The following DIAPH2 variants were observed in gnomAD, a reference collection of about 807,000 sequenced individuals.
DIAPH2 encodes diaphanous related formin 2.
DIAPH2 carries 35 observed loss-of-function variants against 92.7 expected under a neutral mutation model. The ratio of observed to expected loss-of-function variants is 0.38; its 90% confidence interval spans 0.29 to 0.50. The LOEUF (loss-of-function observed/expected upper bound fraction) is 0.50, where lower values mean the gene tolerates loss of function less well. Among genes scored for constraint, DIAPH2 ranks in the 20% least tolerant of loss-of-function variants. The probability of loss-of-function intolerance (pLI) is 0.94; values close to 1 mark genes in which losing one functional copy is unlikely to be tolerated. For synonymous variants in DIAPH2, 301 were observed against 280.4 expected (o/e 1.07, Z -0.73); for missense variants, 701 against 819.5 (o/e 0.86, Z 1.77).
chrX:97,500,763 GATATATATATATATATATATATAT>G (rs56041649), intron 26 of DIAPH2, among the ~76,000 whole-genome samples: 5 of 60,105 alleles, frequency 8.3e-5, no homozygotes, highest in Non-Finnish European at 9.3e-5. Context: ...CATTCAAGGA[GATATATATATATATATATATATAT>G]ATATATATAT....
intron 26 of DIAPH2, among the ~76,000 whole-genome samples, chrX:97,575,604 A>T (rs1381222247): frequency 8.9e-6 from 1 of 112,029 alleles, no homozygotes; most frequent in African/African-American, 3.2e-5. Flanking sequence ...GTTAGGATAT[A>T]TAAAAAGGAG....
chrX:96,799,456 C>T (rs2064564698), intron 4 of DIAPH2, among the ~76,000 whole-genome samples: 1 of 111,989 alleles, frequency 8.9e-6, no homozygotes, highest in African/African-American at 3.2e-5. Flanking sequence ...GGTTGTCTTT[C>T]TTTAGTTAAT....
At chrX:96,733,597 A>T (rs1206123470) in intron 1 of DIAPH2, among the ~76,000 whole-genome samples, 1 of 111,723 alleles carries the variant, frequency 9.0e-6, no homozygotes, top group Non-Finnish European at 1.9e-5. Flanking sequence ...GAAAGTGTTG[A>T]GCCAAGGAGT....
At chrX:97,282,405 G>C (rs748381780) in intron 23 of DIAPH2, among the ~76,000 whole-genome samples, 12 of 111,797 alleles carry the variant, frequency 1.1e-4, no homozygotes, top group African/African-American at 3.9e-4. Flanking sequence ...CGCCACCCAG[G>C]TTCAAGCGAT....
At chrX:96,907,455 A>C (rs141373854) in intron 5 of DIAPH2, among the ~76,000 whole-genome samples, 1,125 of 112,332 alleles carry the variant, frequency 0.01, 9 homozygotes, top group Middle Eastern at 0.019. Context: ...ATGTTATAGA[A>C]AATTGTGTAC....
intron 22 of DIAPH2, among the ~76,000 whole-genome samples, chrX:97,197,013 T>C (rs934676520): frequency 9.0e-6 from 1 of 111,255 alleles, no homozygotes; most frequent in South Asian, 3.8e-4. Flanking sequence ...CTTGAATTCC[T>C]GACCTCAAGT....
chrX:96,838,186 A>G (rs766914287), intron 4 of DIAPH2, among the ~76,000 whole-genome samples: 10 of 111,845 alleles, frequency 8.9e-5, no homozygotes, highest in Non-Finnish European at 1.3e-4. Flanking sequence ...GACTAAATTG[A>G]TCAAATTCTG....
chrX:97,233,948 T>C (rs916735743), intron 22 of DIAPH2, among the ~76,000 whole-genome samples: 8 of 111,072 alleles, frequency 7.2e-5, no homozygotes, highest in Admixed American at 2.9e-4. Context: ...TTCCACATTA[T>C]AGAATTCACA....
chrX:96,923,056 T>G (rs1394824393), intron 9 of DIAPH2, among the ~76,000 whole-genome samples: 1 of 111,273 alleles, frequency 9.0e-6, no homozygotes, highest in Non-Finnish European at 1.9e-5. Context: ...GAAACTGCTT[T>G]CTAGATAGCC....
intron 23 of DIAPH2, among the ~76,000 whole-genome samples, chrX:97,325,718 C>G (rs1716318170): frequency 9.0e-6 from 1 of 110,736 alleles, no homozygotes; most frequent in South Asian, 3.8e-4. Context: ...GCTGGGACTA[C>G]AGGCGCCCGC....
chrX:97,414,126 A>G (rs1249156298), intron 25 of DIAPH2, among the ~76,000 whole-genome samples: 1 of 111,887 alleles, frequency 8.9e-6, no homozygotes, highest in African/African-American at 3.3e-5. Flanking sequence ...ACAAAGCTGG[A>G]GGCATCACAC....
At chrX:96,742,856 G>A (rs1315824935) in intron 3 of DIAPH2, among the ~76,000 whole-genome samples, 7 of 110,821 alleles carry the variant, frequency 6.3e-5, no homozygotes, top group Admixed American at 3.8e-4. Context: ...TAGTAGAGAC[G>A]GGGTTTCACC....
intron 23 of DIAPH2, among the ~76,000 whole-genome samples, chrX:97,281,765 G>T (rs1217285398): frequency 9.2e-6 from 1 of 109,114 alleles, no homozygotes; most frequent in Non-Finnish European, 1.9e-5. Flanking sequence ...AAACACATAC[G>T]CAAAAGGTTA....
chrX:97,310,338 T>C (rs777269535), intron 23 of DIAPH2, among the ~76,000 whole-genome samples: 18 of 111,928 alleles, frequency 1.6e-4, no homozygotes, highest in African/African-American at 5.8e-4. Context: ...GCTTATGTAA[T>C]AGTAAGGAAA....
chrX:97,121,810 G>A (rs892986449), intron 21 of DIAPH2, among the ~76,000 whole-genome samples: 16 of 111,948 alleles, frequency 1.4e-4, no homozygotes, highest in Admixed American at 1.9e-4. Context: ...ACTATAGGAT[G>A]TACTGAAAGG....
chrX:97,073,163 C>T, intron 18 of DIAPH2, 121 bp downstream of exon 18: 1 of 484,815 alleles, frequency 2.1e-6, no homozygotes, highest in South Asian at 3.7e-5. Context: ...CTTCTAGAAA[C>T]AAAATCCTGT....
Position 96,824,188 on chromosome X carries a change from A to G in DIAPH2, c.448-57391A>G, listed in dbSNP as rs543864811. 1.2e-4 allele frequency among the ~76,000 whole-genome samples: 13 copies of G among 110,624 alleles called. No individual in the cohort carries two copies. The South Asian group carries it at 2.3e-3, about 19-fold the overall frequency. Reference sequence around the variant, plus strand: ...TTAATGGGAGTTAACATTTAGAAATAGATTTGTAGCCAGGTTTTGTGCTCT... The same window carrying G: ...TTAATGGGAGTTAACATTTAGAAATGGATTTGTAGCCAGGTTTTGTGCTCT... On this transcript the variant is annotated intron_variant, in intron 4 of 26. Transcript: ENST00000324765.
At chrX:97,367,817 C>T (rs1295854712) in intron 24 of DIAPH2, among the ~76,000 whole-genome samples, 1 of 110,242 alleles carries the variant, frequency 9.1e-6, no homozygotes, top group Non-Finnish European at 1.9e-5. Flanking sequence ...ATTCTCCTGC[C>T]TCAGCCTCCC....
At chrX:97,453,638 G>T (rs187195474) in intron 26 of DIAPH2, among the ~76,000 whole-genome samples, 1 of 111,639 alleles carries the variant, frequency 9.0e-6, no homozygotes, top group African/African-American at 3.2e-5. Flanking sequence ...AAACTGTTAG[G>T]TTGAGCCATA....
Sources: gnomAD v4.1 joint callset for allele counts (sites outside exome capture counted in the v4.1 genomes callset) on GRCh38, gnomAD v4.1.1 for gene constraint, MANE v1.5 for transcripts, NCBI Gene and HGNC (gene_info 2026-07-23, HGNC 2026-07-21) for gene names.